The following PCDH15 variants were observed in gnomAD, a reference collection of about 807,000 sequenced individuals.
PCDH15 encodes protocadherin related 15.
PCDH15 carries 129 observed loss-of-function variants against 178.5 expected under a neutral mutation model. The observed-to-expected ratio is 0.72, with a 90% confidence interval of 0.63 to 0.84. The LOEUF is 0.84. Ranked by LOEUF, PCDH15 falls within the 40% of genes least tolerant of loss-of-function variation. The pLI, the probability that PCDH15 is intolerant of heterozygous loss-of-function variation, is 0.00. For missense variants in PCDH15, 2,230 were observed against 2,099.9 expected (o/e 1.06, Z -1.21); for synonymous variants, 800 against 732.0 (o/e 1.09, Z -1.50).
intron 15 of PCDH15, among the ~76,000 whole-genome samples, chr10:54,112,675 T>C (rs1158511070): frequency 6.6e-6 from 1 of 152,206 alleles, no homozygotes; most frequent in Non-Finnish European, 1.5e-5. Flanking sequence ...CTATTTAATT[T>C]CTAATGCATC....
intron 3 of PCDH15, among the ~76,000 whole-genome samples, chr10:54,421,872 A>C (rs189690302): frequency 7.7e-5 from 4 of 52,270 alleles, no homozygotes; most frequent in African/African-American, 3.5e-4. Context: ...TACACACACT[A>C]TATATATATA....
chr10:55,307,345 CA>C (rs749531469), intron 1 of PCDH15, among the ~76,000 whole-genome samples: 6 of 150,948 alleles, frequency 4.0e-5, no homozygotes, highest in East Asian at 2.0e-4. Flanking sequence ...ACTAAAAATA[CA>C]AAAAAAATTA....
chr10:53,904,715 A>G (rs924910108), intron 25 of PCDH15, among the ~76,000 whole-genome samples: 2 of 152,182 alleles, frequency 1.3e-5, no homozygotes, highest in African/African-American at 2.4e-5. Flanking sequence ...TACCTTAGTC[A>G]GCCACCACAA....
intron 6 of PCDH15, 75 bp downstream of exon 6, chr10:54,346,290 A>C (rs931567113): frequency 7.0e-7 from 1 of 1,425,652 alleles, no homozygotes; most frequent in Non-Finnish European, 9.8e-7. Context: ...TGAATAATAC[A>C]ATAACTATCA....
At chr10:54,289,260 C>A (rs980172639) in intron 8 of PCDH15, among the ~76,000 whole-genome samples, 1 of 152,212 alleles carries the variant, frequency 6.6e-6, no homozygotes, top group African/African-American at 2.4e-5. Context: ...CAAACTCCAA[C>A]AGACCTGCAG....
chr10:54,514,172 CTA>C (rs1226291982), intron 3 of PCDH15, among the ~76,000 whole-genome samples: 2 of 152,142 alleles, frequency 1.3e-5, no homozygotes, highest in African/African-American at 4.8e-5. Context: ...CTCTGAACAA[CTA>C]TATCACAGAA....
intron 10 of PCDH15, among the ~76,000 whole-genome samples, chr10:54,203,695 C>T (rs1315258533): frequency 1.3e-5 from 2 of 152,120 alleles, no homozygotes; most frequent in African/African-American, 4.8e-5. Context: ...GACACCACAC[C>T]TCTTGCTAAA....
At chr10:55,593,502 G>A (rs563908557) in intron 2 of PCDH15, among the ~76,000 whole-genome samples, 1 of 151,804 alleles carries the variant, frequency 6.6e-6, no homozygotes. Context: ...TGACAAAAGA[G>A]AGTGCATGGT....
At chr10:54,606,001 A>G (rs1353407083) in intron 2 of PCDH15, 1 of 152,156 alleles carries the variant, frequency 6.6e-6, no homozygotes, top group Non-Finnish European at 1.5e-5. Context: ...AAATATCCAC[A>G]TGCCTGTTTA....
intron 3 of PCDH15, among the ~76,000 whole-genome samples, chr10:54,385,131 A>G (rs1040976714): frequency 1.3e-5 from 2 of 152,124 alleles, no homozygotes; most frequent in Non-Finnish European, 2.9e-5. Context: ...TTTAATTTTT[A>G]ATATAAGATA....
intron 3 of PCDH15, among the ~76,000 whole-genome samples, chr10:54,825,098 C>T (rs1157997533): frequency 6.6e-6 from 1 of 151,990 alleles, no homozygotes; most frequent in African/African-American, 2.4e-5. Flanking sequence ...TGTTCAATTC[C>T]CACCTATGAG....
intron 3 of PCDH15, among the ~76,000 whole-genome samples, chr10:54,381,654 T>C (rs1949251775): frequency 1.3e-5 from 2 of 152,072 alleles, no homozygotes; most frequent in South Asian, 4.1e-4. Flanking sequence ...TGTTTAATAG[T>C]GGTAACGAGA....
intron 8 of PCDH15, among the ~76,000 whole-genome samples, chr10:54,246,710 A>T (rs1564781117): frequency 6.6e-6 from 1 of 152,062 alleles, no homozygotes; most frequent in East Asian, 1.9e-4. Context: ...ATAAAGTTGC[A>T]GAGTATGTAT....
chr10:54,715,958 T>A (rs957501207), intron 1 of PCDH15, among the ~76,000 whole-genome samples: 2 of 152,080 alleles, frequency 1.3e-5, no homozygotes, highest in African/African-American at 4.8e-5. Flanking sequence ...CCCAGACATA[T>A]CTCTGGAATT....
chr10:54,532,322 C>A (rs540745340), intron 2 of PCDH15, among the ~76,000 whole-genome samples: 4 of 152,188 alleles, frequency 2.6e-5, no homozygotes, highest in African/African-American at 9.6e-5. Context: ...CCTACAAAGT[C>A]CTCCACAATA....
chr10:53,994,631 A>C (rs2134881600), intron 21 of PCDH15: 1 of 152,240 alleles, frequency 6.6e-6, no homozygotes, highest in East Asian at 1.9e-4. Context: ...ATTTTTGCCT[A>C]TCATATATCC....
At chr10:54,348,336 A>T (rs1445177264) in intron 5 of PCDH15, among the ~76,000 whole-genome samples, 1 of 152,188 alleles carries the variant, frequency 6.6e-6, no homozygotes, top group African/African-American at 2.4e-5. Context: ...ATTGAAGGCA[A>T]ACTTTGGAGA....
intron 3 of PCDH15, among the ~76,000 whole-genome samples, chr10:54,401,193 A>C (rs1251362501): frequency 2.0e-5 from 3 of 151,958 alleles, no homozygotes; most frequent in African/African-American, 4.8e-5. Flanking sequence ...TTTGTCTAAA[A>C]ACAACTTTAG....
At chr10:54,468,874 GAATT>G (rs2077705502) in intron 3 of PCDH15, among the ~76,000 whole-genome samples, 1 of 152,024 alleles carries the variant, frequency 6.6e-6, no homozygotes, top group Non-Finnish European at 1.5e-5. Flanking sequence ...TTCTTTTGCT[GAATT>G]TATTCCTTTA....
Sources: gnomAD v4.1 joint callset for allele counts (sites outside exome capture counted in the v4.1 genomes callset) on GRCh38, gnomAD v4.1.1 for gene constraint, MANE v1.5 for transcripts, NCBI Gene and HGNC (gene_info 2026-07-23, HGNC 2026-07-21) for gene names.